The following UBE3B variants were observed in gnomAD, a reference collection of about 807,000 sequenced individuals.
The protein encoded by UBE3B is ubiquitin protein ligase E3B, also known as ubiquitin-protein ligase E3B.
UBE3B carries 80 observed loss-of-function variants against 132.3 expected under a neutral mutation model. That is an observed-to-expected ratio of 0.60 (90% CI 0.50 to 0.73). The LOEUF (loss-of-function observed/expected upper bound fraction) is 0.73, where lower values mean the gene tolerates loss of function less well. UBE3B is among the 30% of genes least tolerant of loss of function. The pLI is 0.00. For missense variants in UBE3B, 1,196 were observed against 1,362.5 expected, an observed-to-expected ratio of 0.88 and a Z score of 1.92; for synonymous variants, 487 against 520.4, an observed-to-expected ratio of 0.94 and a Z score of 0.87.
chr12:109,524,119 A>G lies in UBE3B; in HGVS notation c.2502+4A>G, dbSNP rs963304999. ...TAAAAACCTCACCTCCATCAAGGTG[A>G]GCATGGAATGGTGGGTGAGCTAAGC... On this transcript the variant is annotated splice_donor_region_variant and intron_variant, in intron 22 of 27. Coordinates refer to ENST00000342494, the MANE Select transcript of UBE3B (RefSeq NM_130466.4). 4.3e-6 allele frequency: 7 copies of G among 1,613,926 alleles called. 1 individual carries two copies. In the South Asian group the frequency reaches 7.7e-5, roughly 18 times the overall value.
chr12:109,494,827 G>A (rs766533954), intron 9 of UBE3B, among the ~76,000 whole-genome samples: 1 of 152,088 alleles, frequency 6.6e-6, no homozygotes, highest in Non-Finnish European at 1.5e-5. Flanking sequence ...CCACTGATAC[G>A]TCGCTCCCAG....
intron 12 of UBE3B, among the ~76,000 whole-genome samples, 197 bp downstream of exon 12, chr12:109,500,007 GAGTGAACATCCTGTCA>G (rs1356610210): frequency 1.3e-5 from 2 of 152,202 alleles, no homozygotes; most frequent in Admixed American, 6.5e-5. Context: ...AAGATAACTT[GAGTGAACATCCTGTCA>G]GTTTTCCTAT....
At position 109,522,347 on chromosome 12, in the gene UBE3B, A is replaced by G. The variant is rs1881814884; in HGVS notation, c.2364+796A>G. 6.6e-6 allele frequency among the ~76,000 whole-genome samples: 1 copy of G among 152,136 alleles called. No individual in the cohort carries two copies. The highest frequency in any genetic ancestry group is 2.1e-4 in the South Asian group (1 of 4,828). ...GTCCATTGAAACCCCGTCCATTGAA[A>G]GCCAAGGTGGGACCACCTTCAGTGG... On this transcript the variant is annotated intron_variant, in intron 21 of 27. Transcript: ENST00000342494. The surrounding 1 kb of genome is among the most constrained non-coding windows in gnomAD (Gnocchi z 4.2).
intron 2 of UBE3B, 92 bp from the exon 3 acceptor site, chr12:109,483,438 CA>C (rs1244839547): frequency 3.7e-6 from 5 of 1,350,220 alleles, no homozygotes; most frequent in African/African-American, 1.5e-5. Flanking sequence ...CTCTGCTGCC[CA>C]GGTCCCTGCC....
chr12:109,541,240 C>T (rs1052222760), downstream of UBE3B, among the ~76,000 whole-genome samples: 9 of 152,168 alleles, frequency 5.9e-5, no homozygotes, highest in African/African-American at 2.2e-4. Context: ...CACAGCAGTT[C>T]CCAGATAAAG....
chr12:109,516,571 T>A (rs1881089031), intron 18 of UBE3B, among the ~76,000 whole-genome samples, 194 bp from the exon 19 acceptor site: 1 of 152,162 alleles, frequency 6.6e-6, no homozygotes, highest in African/African-American at 2.4e-5. Context: ...TATTCAACAG[T>A]ATTTCTAATT....
In UBE3B at chr12:109,534,263, T is replaced by C. The variant is rs1436663423; in HGVS notation, c.3016-328T>C. 7.6e-7 allele frequency: 1 copy of C among 1,308,196 alleles called. No homozygotes were observed. The highest frequency in any genetic ancestry group is 9.8e-7 in the Non-Finnish European group (1 of 1,019,346). 81.0% of individuals were successfully genotyped at this position (1,308,196 alleles called of 1,614,324 possible). ...GAGGGAGGAGTGCATTCAGAAATGT[T>C]TGGGCACCTAACAGTTTTTACAGCA... On this transcript the variant is annotated intron_variant, in intron 27 of 27. Transcript: ENST00000342494. The surrounding 1 kb of genome is among the most constrained non-coding windows in gnomAD (Gnocchi z 5.2).
chr12:109,529,789 G>A (rs1882760103), intron 24 of UBE3B, 101 bp from the exon 25 acceptor site: 3 of 1,416,082 alleles, frequency 2.1e-6, no homozygotes, highest in African/African-American at 1.4e-5. Flanking sequence ...TGTGTTTTTT[G>A]TAAAATGGTT....
rs768820043 is a variant in UBE3B at position 109,501,578 on chromosome 12, G to A, written c.1282+44G>A. The A allele has an allele frequency of 3.1e-6, 5 of 1,587,396 alleles. No individual in the cohort carries two copies. In the South Asian group the frequency reaches 4.5e-5, roughly 14 times the overall value. Reference sequence around the variant, plus strand: ...CCCAACCCTGTAGCTCCACTTGGCTGAAGTACAGCTCCTGTTTCTTCCTAT... The same window carrying A: ...CCCAACCCTGTAGCTCCACTTGGCTAAAGTACAGCTCCTGTTTCTTCCTAT... On this transcript the variant is annotated intron_variant, in intron 13 of 27. Coordinates refer to ENST00000342494, the MANE Select transcript of UBE3B (RefSeq NM_130466.4).
chr12:109,540,659 A>G (rs1883592097), downstream of UBE3B, among the ~76,000 whole-genome samples: 1 of 152,250 alleles, frequency 6.6e-6, no homozygotes, highest in South Asian at 2.1e-4. Flanking sequence ...GTGTTCTGGA[A>G]ACCCAGTGTC....
At chr12:109,547,447 G>A in the UBE3B span, among the ~76,000 whole-genome samples, 5 of 152,226 alleles carry the variant, frequency 3.3e-5, no homozygotes, top group South Asian at 2.1e-4. The surrounding 1 kb of genome is among the most constrained non-coding windows in gnomAD (Gnocchi z 4.1). Flanking sequence ...GCATGTGCGC[G>A]TACGCGCGCA....
At chr12:109,528,217 T>G in intron 24 of UBE3B, 6 of 541,928 alleles carry the variant, frequency 1.1e-5, no homozygotes, top group South Asian at 8.1e-5. Context: ...GGGTGATACT[T>G]GATCTTGCAC....
intron 22 of UBE3B, 132 bp downstream of exon 22, chr12:109,524,247 T>A (rs1882047002): frequency 2.1e-6 from 3 of 1,400,970 alleles, no homozygotes; most frequent in Admixed American, 4.0e-5. Flanking sequence ...CACATCCCCC[T>A]GTGGGCAGTC....
At chr12:109,484,462 C>G (rs757192855) in intron 4 of UBE3B, among the ~76,000 whole-genome samples, 5 of 152,124 alleles carry the variant, frequency 3.3e-5, no homozygotes, top group Non-Finnish European at 7.4e-5. Flanking sequence ...GCAGTCTTGG[C>G]TCACTGCCAG....
At chr12:109,512,225 C>A (rs369983686) in intron 18 of UBE3B, among the ~76,000 whole-genome samples, 20 of 152,250 alleles carry the variant, frequency 1.3e-4, no homozygotes, top group Admixed American at 5.2e-4. Context: ...TCAGACAGCA[C>A]CCAAGTCTGC....
In UBE3B at chr12:109,530,674, C is replaced by A. The variant is rs771497962; in HGVS notation, c.2922+16C>A. 5.0e-6 allele frequency: 8 copies of A among 1,606,280 alleles called. No individual in the cohort carries two copies. The highest frequency in any genetic ancestry group is 3.3e-5 in the Admixed American group (2 of 59,980). On this transcript the variant is annotated intron_variant, in intron 26 of 27. Coordinates refer to ENST00000342494, the MANE Select transcript of UBE3B (RefSeq NM_130466.4). ...GTTTCTGAAGGTATTTTATTTATTACCTATGCATGCATGCATGTATTCTCA... is the reference window on the plus strand; with the variant it reads ...GTTTCTGAAGGTATTTTATTTATTAACTATGCATGCATGCATGTATTCTCA...
intron 1 of UBE3B, among the ~76,000 whole-genome samples, chr12:109,479,470 T>C (rs541309181): frequency 4.6e-5 from 7 of 152,234 alleles, no homozygotes; most frequent in Non-Finnish European, 1.0e-4. Context: ...AGAGGATAAG[T>C]AACTTGGCCA....
rs779284427 is a variant in UBE3B at position 109,529,880 on chromosome 12, T to A, written c.2628-10T>A. Reference sequence around the variant, plus strand: ...AATTGTCATTGTTATCTCTTCCTTGTTGGCAACAGAATTAGCTACATCCAT... The same window carrying A: ...AATTGTCATTGTTATCTCTTCCTTGATGGCAACAGAATTAGCTACATCCAT... On this transcript the variant is annotated splice_polypyrimidine_tract_variant and intron_variant, in intron 24 of 27. Coordinates refer to ENST00000342494, the MANE Select transcript of UBE3B (RefSeq NM_130466.4). 2.5e-6 allele frequency: 4 copies of A among 1,613,980 alleles called. No homozygotes were observed. The highest frequency in any genetic ancestry group is 3.4e-6 in the Non-Finnish European group (4 of 1,179,810).
chr12:109,538,557 G>A (rs755667791), downstream of UBE3B, among the ~76,000 whole-genome samples: 1 of 152,316 alleles, frequency 6.6e-6, no homozygotes, highest in East Asian at 1.9e-4. This position sits in a 1 kb window ranked among gnomAD's most constrained non-coding sequence, Gnocchi z 4.1. Flanking sequence ...ACCCAGCGCA[G>A]CACCTGGCAC....
Sources: gnomAD v4.1 joint callset for allele counts (sites outside exome capture counted in the v4.1 genomes callset) on GRCh38, gnomAD v4.1.1 for gene constraint, Gnocchi (gnomAD v3.1) non-coding constraint, MANE v1.5 for transcripts, NCBI Gene and HGNC (gene_info 2026-07-23, HGNC 2026-07-21) for gene names.